Variants in ACSL1 observed in about 807,000 individuals in gnomAD.
ACSL1 encodes long-chain-fatty-acid--CoA ligase 1.
In ACSL1, 41 loss-of-function variants were observed where a neutral mutation model predicts 98.4. That is an observed-to-expected ratio of 0.42 (90% confidence interval 0.32 to 0.54). The LOEUF is 0.54. Ranked by LOEUF, ACSL1 falls within the 20% of genes least tolerant of loss-of-function variation. The pLI is 0.13. For synonymous variants in ACSL1, 316 were observed against 322.7 expected, an observed-to-expected ratio of 0.98 and a Z score of 0.22; for missense variants, 734 against 883.1, an observed-to-expected ratio of 0.83 and a Z score of 2.14.
chr4:184,784,700 A>G (rs753121528), intron 3 of ACSL1, among the ~76,000 whole-genome samples: 38 of 152,302 alleles, frequency 2.5e-4, no homozygotes, highest in Middle Eastern at 6.8e-3. Context: ...CTGATTTGAC[A>G]TGAGGACCTA....
intron 1 of ACSL1, among the ~76,000 whole-genome samples, chr4:184,804,346 G>A (rs1230638451): frequency 1.3e-5 from 2 of 152,180 alleles, no homozygotes; most frequent in East Asian, 1.9e-4. Context: ...TTGGGAAGCC[G>A]AGGCGGGTGG....
rs371030344 is a variant in ACSL1, at chr4:184,812,233, T to C, written c.-32-8687A>G. 6.1e-6 allele frequency: 6 copies of C among 985,438 alleles called. No individual in the cohort carries two copies. In the African/African-American group the frequency reaches 1.0e-4, roughly 17 times the overall value. The allele number at this position is 985,438 out of a possible 1,614,324, so 61.0% of individuals were successfully genotyped here. ...CAGGGTCTCCTCCCATCTGTCTTTA[T>C]ATGCCCTTGGTTCTTAACACAGTCC... On this transcript the variant is annotated intron_variant, in intron 1 of 20. Coordinates refer to ENST00000281455, the MANE Select transcript of ACSL1 (RefSeq NM_001995.5).
At chr4:184,771,720 G>A (rs767423987) in intron 10 of ACSL1, among the ~76,000 whole-genome samples, 5 of 152,178 alleles carry the variant, frequency 3.3e-5, no homozygotes, top group South Asian at 4.1e-4. Context: ...GGGCATTGTC[G>A]TTACCTAGGG....
rs759267179 is a variant in ACSL1 at position 184,757,118 on chromosome 4, C to T, written c.*7G>A. The T allele has an allele frequency of 1.3e-6, 2 of 1,570,748 alleles. No homozygotes were observed. The highest frequency in any genetic ancestry group is 2.3e-5 in the South Asian group (2 of 88,000). ...TGTGCCATTTCCTCTGAGCTTTCTT[C>T]TTCACACTAAACCTTGATAGTGGAA... On this transcript the variant is annotated 3_prime_UTR_variant, in exon 21 of 21. Transcript: ENST00000281455. This position sits in a 1 kb window ranked among gnomAD's most constrained non-coding sequence, Gnocchi z 4.5.
chr4:184,805,093 A>G (rs1311606814), intron 1 of ACSL1, among the ~76,000 whole-genome samples: 6 of 152,336 alleles, frequency 3.9e-5, no homozygotes, highest in East Asian at 1.9e-4. Context: ...GAAAAACAAC[A>G]AACAAGTGGG....
chr4:184,783,030 G>A (rs557726349), intron 4 of ACSL1, among the ~76,000 whole-genome samples: 2 of 152,306 alleles, frequency 1.3e-5, no homozygotes, highest in African/African-American at 2.4e-5. Flanking sequence ...CCGAGAGCAG[G>A]AGAAGGGGGG....
chr4:184,762,622 T>C, intron 16 of ACSL1, 99 bp from the exon 17 acceptor site: 5 of 1,057,264 alleles, frequency 4.7e-6, no homozygotes, highest in Non-Finnish European at 7.3e-6. Flanking sequence ...CCCCAACCTT[T>C]AGCTGGAAGC....
At chr4:184,799,076 C>A (rs1579935386) in intron 2 of ACSL1, 1 of 152,090 alleles carries the variant, frequency 6.6e-6, no homozygotes, top group South Asian at 2.1e-4. Flanking sequence ...TTTTCACAGT[C>A]CTGTGCCCCC....
At chr4:184,762,294 G>A (rs1579832978) in intron 17 of ACSL1, 113 bp downstream of exon 17, 1 of 871,376 alleles carries the variant, frequency 1.1e-6, no homozygotes, top group Non-Finnish European at 1.9e-6. Context: ...AAGGAGGAAG[G>A]GAAAGAGAAA....
intron 17 of ACSL1, among the ~76,000 whole-genome samples, chr4:184,761,448 C>T (rs995599592): frequency 6.6e-6 from 1 of 152,150 alleles, no homozygotes. Context: ...TTAGGGCTTG[C>T]AATCAGCATC....
intron 10 of ACSL1, among the ~76,000 whole-genome samples, chr4:184,770,792 C>T (rs1464687061): frequency 6.6e-6 from 1 of 152,178 alleles, no homozygotes; most frequent in Non-Finnish European, 1.5e-5. Flanking sequence ...GGAGAAACGG[C>T]TTTTGCTTAT....
intron 1 of ACSL1, among the ~76,000 whole-genome samples, chr4:184,819,470 C>T (rs1289053737): frequency 6.6e-6 from 1 of 152,068 alleles, no homozygotes; most frequent in Non-Finnish European, 1.5e-5. Flanking sequence ...AACTTTATCC[C>T]AGCAAAAGCA....
chr4:184,786,353 T>C (rs1767303158), intron 3 of ACSL1, among the ~76,000 whole-genome samples: 1 of 151,862 alleles, frequency 6.6e-6, no homozygotes, highest in African/African-American at 2.4e-5. Context: ...AGTTACAGTT[T>C]CCAAGAACCC....
intron 2 of ACSL1, among the ~76,000 whole-genome samples, chr4:184,789,987 G>A (rs1020436012): frequency 3.3e-5 from 5 of 151,998 alleles, no homozygotes; most frequent in African/African-American, 9.7e-5. Context: ...GTACCAAGAG[G>A]AGAGAGCTGT....
In ACSL1 at chr4:184,803,468, A is replaced by G. The variant is rs145117069; in HGVS notation, c.47T>C (p.Val16Ala). Residue 16 changes from valine (V) to alanine (A), a missense_variant, in exon 2 of 21, where the codon GTT (valine) becomes GCT (alanine). Physicochemically the swap from Val to Ala is moderately conservative, Grantham distance 64. Transcript: ENST00000281455. This position sits in a 1 kb window ranked among gnomAD's most constrained non-coding sequence, Gnocchi z 4.8. Reference sequence around the variant, plus strand: ...AGTACGCACGTACTGTCGGAAGTCAACCAGCTCTGGCATTCGAAAATACCG... The same window carrying G: ...AGTACGCACGTACTGTCGGAAGTCAGCCAGCTCTGGCATTCGAAAATACCG... ...LFRYFRMPEL[V>A]DFRQYVRTLP... The G allele has an allele frequency of 2.5e-6, 4 of 1,611,032 alleles. No individual in the cohort carries two copies. In the African/African-American group the frequency reaches 5.3e-5, roughly 22 times the overall value.
At chr4:184,785,292 G>C (rs1561208964) in intron 3 of ACSL1, among the ~76,000 whole-genome samples, 1 of 152,164 alleles carries the variant, frequency 6.6e-6, no homozygotes, top group Non-Finnish European at 1.5e-5. Context: ...ACTATACCCA[G>C]GCTCTAGAAT....
At chr4:184,797,166 AC>A (rs1769550691) in intron 2 of ACSL1, among the ~76,000 whole-genome samples, 3 of 113,946 alleles carry the variant, frequency 2.6e-5, no homozygotes, top group Non-Finnish European at 4.0e-5. Flanking sequence ...GCTCCCGCTC[AC>A]AGCGGGCCCC....
chr4:184,781,013 CAGATCACTTGAGGG>C (rs1766157527), intron 4 of ACSL1, among the ~76,000 whole-genome samples: 1 of 139,488 alleles, frequency 7.2e-6, no homozygotes, highest in African/African-American at 2.7e-5. Context: ...CCGAGGCAGG[CAGATCACTTGAGGG>C]AGTTCGAGGC....
chr4:184,797,158 TC>T (rs200916471), intron 2 of ACSL1, among the ~76,000 whole-genome samples: 20,471 of 151,978 alleles, frequency 0.13, 1,446 homozygotes, highest in African/African-American at 0.16. Context: ...CAACAACAGC[TC>T]CCGCTCACAG....
Sources: gnomAD v4.1 joint callset for allele counts (sites outside exome capture counted in the v4.1 genomes callset) on GRCh38, gnomAD v4.1.1 for gene constraint, Gnocchi (gnomAD v3.1) non-coding constraint, MANE v1.5 for transcripts, NCBI Gene and HGNC (gene_info 2026-07-23, HGNC 2026-07-21) for gene names.